Variants in CDH12 observed in about 807,000 individuals in gnomAD.
The protein encoded by CDH12 is cadherin 12, also known as cadherin-12.
A neutral mutation model predicts 74.1 loss-of-function variants in CDH12; 41 were observed. The ratio of observed to expected loss-of-function variants is 0.55; its 90% CI spans 0.43 to 0.72. The LOEUF is 0.72. Ranked by LOEUF, CDH12 falls within the 30% of genes least tolerant of loss-of-function variation. The pLI is 0.00. For missense variants in CDH12, 945 were observed against 977.2 expected (o/e 0.97, Z 0.44); for synonymous variants, 399 against 355.0 (o/e 1.12, Z -1.39).
chr5:22,784,889 T>C (rs970683993), intron 1 of CDH12, among the ~76,000 whole-genome samples: 4 of 152,170 alleles, frequency 2.6e-5, no homozygotes, highest in East Asian at 1.9e-4. Context: ...AATTTTTCCT[T>C]ATATAAGTTT....
At chr5:22,815,996 G>T (rs1749377882) in intron 1 of CDH12, among the ~76,000 whole-genome samples, 1 of 152,022 alleles carries the variant, frequency 6.6e-6, no homozygotes, top group Non-Finnish European at 1.5e-5. Context: ...AGTACTGTGT[G>T]GCTAGAGCTT....
intron 2 of CDH12, among the ~76,000 whole-genome samples, chr5:22,451,819 A>G (rs940721179): frequency 6.6e-6 from 1 of 151,920 alleles, no homozygotes; most frequent in Non-Finnish European, 1.5e-5. Flanking sequence ...AAAACCCTAA[A>G]GACTCCACCA....
intron 3 of CDH12, among the ~76,000 whole-genome samples, chr5:22,313,664 A>T (rs1738485225): frequency 1.3e-5 from 2 of 152,206 alleles, no homozygotes; most frequent in African/African-American, 4.8e-5. Flanking sequence ...GGAACAAAAC[A>T]ATATCTTTTG....
intron 2 of CDH12, among the ~76,000 whole-genome samples, chr5:22,432,939 G>A (rs987641955): frequency 3.3e-5 from 5 of 152,032 alleles, no homozygotes; most frequent in African/African-American, 1.2e-4. Context: ...TAGAATTCCT[G>A]AGCACTGGAG....
chr5:21,834,877 A>C (rs1051720610), intron 8 of CDH12, among the ~76,000 whole-genome samples: 1 of 151,922 alleles, frequency 6.6e-6, no homozygotes, highest in African/African-American at 2.4e-5. Flanking sequence ...ATAGTTGTAG[A>C]TTTCACATAA....
At chr5:21,990,394 C>T (rs921366784) in intron 5 of CDH12, among the ~76,000 whole-genome samples, 1 of 152,120 alleles carries the variant, frequency 6.6e-6, no homozygotes, top group Non-Finnish European at 1.5e-5. Context: ...AAACCCATCA[C>T]TTATTACATT....
intron 6 of CDH12, among the ~76,000 whole-genome samples, chr5:21,904,779 AAAACAAAC>A (rs35016652): frequency 8.6e-5 from 13 of 150,712 alleles, no homozygotes; most frequent in Non-Finnish European, 1.5e-4. Flanking sequence ...AGTGTCTCTA[AAAACAAAC>A]AAACAAACAA....
intron 4 of CDH12, among the ~76,000 whole-genome samples, chr5:22,135,069 C>A (rs1232140035): frequency 6.6e-6 from 1 of 151,870 alleles, no homozygotes; most frequent in African/African-American, 2.4e-5. Flanking sequence ...AAACAAATTG[C>A]ACCATAAAAG....
intron 9 of CDH12, among the ~76,000 whole-genome samples, chr5:21,809,623 C>A (rs1334727139): frequency 1.3e-5 from 2 of 152,074 alleles, no homozygotes; most frequent in African/African-American, 4.8e-5. Flanking sequence ...ATTTGCAAAA[C>A]GTTCCAAACT....
At chr5:22,571,822 T>C (rs948129432) in intron 1 of CDH12, among the ~76,000 whole-genome samples, 4 of 152,148 alleles carry the variant, frequency 2.6e-5, no homozygotes, top group Admixed American at 6.6e-5. Flanking sequence ...ATAACATTAA[T>C]TGATTAAGTT....
At chr5:22,823,394 A>T (rs534934510) in intron 1 of CDH12, among the ~76,000 whole-genome samples, 79 of 152,212 alleles carry the variant, frequency 5.2e-4, no homozygotes, top group Admixed American at 1.7e-3. Context: ...AATAATTTTT[A>T]AAAAAATGGG....
chr5:22,646,649 T>C (rs1739447969), intron 1 of CDH12, among the ~76,000 whole-genome samples: 1 of 151,870 alleles, frequency 6.6e-6, no homozygotes, highest in Non-Finnish European at 1.5e-5. Flanking sequence ...AGATTATAGA[T>C]AAAAACAACA....
At chr5:22,252,123 A>G (rs975733296) in intron 3 of CDH12, among the ~76,000 whole-genome samples, 1 of 152,058 alleles carries the variant, frequency 6.6e-6, no homozygotes, top group East Asian at 1.9e-4. Context: ...TTGGTTCTCA[A>G]TTGCTGTATA....
intron 6 of CDH12, among the ~76,000 whole-genome samples, chr5:21,872,284 T>G (rs1340739242): frequency 6.6e-6 from 1 of 152,218 alleles, no homozygotes; most frequent in Non-Finnish European, 1.5e-5. Flanking sequence ...AGATCTGTCC[T>G]AAATATTTCA....
intron 1 of CDH12, among the ~76,000 whole-genome samples, chr5:22,828,365 G>T (rs1246372025): frequency 6.6e-6 from 1 of 152,094 alleles, no homozygotes; most frequent in African/African-American, 2.4e-5. Context: ...TCAAAATGAT[G>T]CTGGTTTTGG....
chr5:21,778,466 C>CAGAAAAAAAAAAAA (rs1745718307), intron 11 of CDH12, among the ~76,000 whole-genome samples: 1 of 52,614 alleles, frequency 1.9e-5, no homozygotes, highest in Non-Finnish European at 3.1e-5. Flanking sequence ...GCATATAAGC[C>CAGAAAAAAAAAAAA]AAAAAAAAAA....
At chr5:21,887,025 A>G (rs1752668501) in intron 6 of CDH12, among the ~76,000 whole-genome samples, 1 of 152,108 alleles carries the variant, frequency 6.6e-6, no homozygotes, top group Admixed American at 6.6e-5. Flanking sequence ...ATATGACAGT[A>G]TCAGTATTTT....
intron 3 of CDH12, among the ~76,000 whole-genome samples, chr5:22,388,772 A>G (rs1203310545): frequency 6.6e-6 from 1 of 152,210 alleles, no homozygotes; most frequent in East Asian, 1.9e-4. Context: ...ATGTTAACGT[A>G]AATGCCTTAA....
intron 14 of CDH12, among the ~76,000 whole-genome samples, chr5:21,753,918 A>T (rs1241851511): frequency 6.6e-6 from 1 of 152,190 alleles, no homozygotes; most frequent in Non-Finnish European, 1.5e-5. Context: ...AATAAAATAT[A>T]TTTATTTGGA....
Sources: gnomAD v4.1 joint callset for allele counts (sites outside exome capture counted in the v4.1 genomes callset) on GRCh38, gnomAD v4.1.1 for gene constraint, MANE v1.5 for transcripts, NCBI Gene and HGNC (gene_info 2026-07-23, HGNC 2026-07-21) for gene names.